The following DPYD variants were observed in gnomAD, a reference collection of about 807,000 sequenced individuals.
The protein encoded by DPYD is dihydropyrimidine dehydrogenase [NADP(+)].
DPYD carries 109 observed loss-of-function variants against 116.2 expected under a neutral mutation model. That is an observed-to-expected ratio of 0.94 (90% CI 0.80 to 1.10). The LOEUF (loss-of-function observed/expected upper bound fraction) is 1.10, where lower values mean the gene tolerates loss of function less well. Among genes scored for constraint, DPYD ranks in the 50% least tolerant of loss-of-function variants. The pLI, the probability that DPYD is intolerant of heterozygous loss-of-function variation, is 0.00. For synonymous variants in DPYD, 440 were observed against 432.0 expected (o/e 1.02, Z -0.23); for missense variants, 1,302 against 1,254.5 (o/e 1.04, Z -0.57).
chr1:97,578,797 A>T (rs1195408663), intron 10 of DPYD, among the ~76,000 whole-genome samples: 1 of 152,180 alleles, frequency 6.6e-6, no homozygotes, highest in Non-Finnish European at 1.5e-5. Flanking sequence ...TACAGGTACT[A>T]TAAAATCATG....
At chr1:97,558,836 C>A (rs2786536) in intron 11 of DPYD, among the ~76,000 whole-genome samples, 3,078 of 152,250 alleles carry the variant, frequency 0.02, 101 homozygotes, top group African/African-American at 0.07. Flanking sequence ...TGAAATAATT[C>A]TATCTATTTA....
chr1:97,413,715 C>T (rs1488182781), intron 14 of DPYD, among the ~76,000 whole-genome samples: 3 of 152,062 alleles, frequency 2.0e-5, no homozygotes, highest in Non-Finnish European at 4.4e-5. Context: ...CTCAAACAAT[C>T]CTCCCACCTC....
At chr1:97,173,987 T>C (rs536621319) in intron 20 of DPYD, among the ~76,000 whole-genome samples, 2 of 151,702 alleles carry the variant, frequency 1.3e-5, no homozygotes, top group South Asian at 2.1e-4. Flanking sequence ...TCAAGTGTTT[T>C]GTTTTCAGTT....
In DPYD at chr1:97,165,178, A is replaced by G. The variant is rs548657807; in HGVS notation, c.2622+27891T>C. Among the ~76,000 whole-genome samples, 6 of 152,266 alleles carry G rather than the reference A, an allele frequency of 3.9e-5. No individual in the cohort carries two copies. The South Asian group carries it at 1.2e-3, about 32-fold the overall frequency. On this transcript the variant is annotated intron_variant, in intron 20 of 22. Transcript: ENST00000370192. ...GCATCAAGTTACCTGACTCTAAACT[A>G]TACTACAGGGGCTACAGTAACCAAA...
At chr1:97,101,277 A>T (rs572494872) in intron 20 of DPYD, among the ~76,000 whole-genome samples, 1 of 152,062 alleles carries the variant, frequency 6.6e-6, no homozygotes, top group South Asian at 2.1e-4. Context: ...TTTCCTTATT[A>T]GTTTGAAAAT....
intron 8 of DPYD, among the ~76,000 whole-genome samples, chr1:97,608,646 T>A (rs1264961221): frequency 2.0e-5 from 3 of 151,862 alleles, no homozygotes; most frequent in Non-Finnish European, 2.9e-5. Context: ...CTGACCTAAG[T>A]GCTCTTGAAT....
At chr1:97,174,914 T>A (rs943773668) in intron 20 of DPYD, among the ~76,000 whole-genome samples, 18 of 152,206 alleles carry the variant, frequency 1.2e-4, no homozygotes, top group Non-Finnish European at 1.0e-4. Flanking sequence ...CTGTCTTGAT[T>A]TCAAATAATA....
chr1:97,318,367 A>G (rs1667997787), intron 16 of DPYD, among the ~76,000 whole-genome samples: 1 of 136,718 alleles, frequency 7.3e-6, no homozygotes, highest in South Asian at 2.5e-4. Flanking sequence ...ATAGGCTCAA[A>G]ATAAAAGGAT....
At chr1:97,266,149 A>G (rs1011503407) in intron 18 of DPYD, among the ~76,000 whole-genome samples, 1 of 152,226 alleles carries the variant, frequency 6.6e-6, no homozygotes, top group Non-Finnish European at 1.5e-5. Context: ...TATTTTTAGT[A>G]GAATATGAAT....
intron 2 of DPYD, among the ~76,000 whole-genome samples, chr1:97,866,157 T>G (rs1353695291): frequency 6.6e-6 from 1 of 151,962 alleles, no homozygotes; most frequent in African/African-American, 2.4e-5. Flanking sequence ...ATATCTAAAA[T>G]AAACCTCTAT....
At chr1:97,751,456 G>GTA (rs1326157374) in intron 3 of DPYD, among the ~76,000 whole-genome samples, 360 of 24,260 alleles carry the variant, frequency 0.015, 5 homozygotes, top group African/African-American at 0.035. Flanking sequence ...GTGTGTGTGT[G>GTA]TGTGTATATA....
intron 13 of DPYD, among the ~76,000 whole-genome samples, chr1:97,501,720 T>C (rs1021593536): frequency 6.6e-6 from 1 of 151,944 alleles, no homozygotes; most frequent in African/African-American, 2.4e-5. Flanking sequence ...CTTACTCATG[T>C]TAATAGCAGT....
chr1:97,079,002 G>C lies in DPYD; in HGVS notation c.3052C>G (p.Pro1018Ala), dbSNP rs956842768. 1.5e-5 allele frequency: 24 copies of C among 1,613,552 alleles called. No homozygotes were observed. Among genetic ancestry groups the C allele is most frequent in the Non-Finnish European group, 1.9e-5 (22 of 1,179,686 alleles). The stretch of plus-strand genomic sequence containing the variant: ...TAACACACCGGATTCACAGATAAGG[G>C]TACGCCTCTCTTTGGTTCATAAGGT... ...TTPYEPKRGV[P>A]LSVNPVC The change falls in exon 23 of 23, where the codon CCC becomes GCC. Residue 1018 changes from proline to alanine, a missense_variant. Physicochemically the swap from Pro to Ala is conservative, Grantham distance 27 (BLOSUM62 -1). Transcript: ENST00000370192.
At chr1:97,417,973 C>G (rs920669423) in intron 14 of DPYD, among the ~76,000 whole-genome samples, 19 of 152,074 alleles carry the variant, frequency 1.2e-4, no homozygotes, top group Admixed American at 1.0e-3. Context: ...ATAAAAAGAT[C>G]CCTTATTTTG....
At chr1:97,424,206 T>C (rs759117145) in intron 14 of DPYD, among the ~76,000 whole-genome samples, 6 of 152,086 alleles carry the variant, frequency 3.9e-5, no homozygotes, top group Admixed American at 1.3e-4. Context: ...GATCAAAGGA[T>C]ATGTGGAAAG....
intron 3 of DPYD, among the ~76,000 whole-genome samples, chr1:97,781,446 C>G (rs377289205): frequency 5.6e-4 from 85 of 152,212 alleles, no homozygotes; most frequent in African/African-American, 2.0e-3. Context: ...CCATTGAGCA[C>G]CTACTGTATA....
chr1:97,366,800 T>C (rs1671063954), intron 16 of DPYD, among the ~76,000 whole-genome samples: 1 of 152,146 alleles, frequency 6.6e-6, no homozygotes, highest in Non-Finnish European at 1.5e-5. Context: ...AGATTCTCCA[T>C]GAGATGCCAG....
At chr1:97,708,924 A>G (rs1662133056) in intron 5 of DPYD, among the ~76,000 whole-genome samples, 1 of 151,826 alleles carries the variant, frequency 6.6e-6, no homozygotes, top group African/African-American at 2.4e-5. Context: ...TTAATTTCAA[A>G]TTCTAATCAT....
At chr1:97,828,045 C>A (rs1669325652) in intron 3 of DPYD, 69 bp downstream of exon 3, 5 of 1,439,804 alleles carry the variant, frequency 3.5e-6, no homozygotes, top group Non-Finnish European at 4.9e-6. Flanking sequence ...CTCATTTGTT[C>A]CCCAAATAAT....
Sources: gnomAD v4.1 joint callset for allele counts (sites outside exome capture counted in the v4.1 genomes callset) on GRCh38, gnomAD v4.1.1 for gene constraint, MANE v1.5 for transcripts, NCBI Gene and HGNC (gene_info 2026-07-23, HGNC 2026-07-21) for gene names.